PTPRD: variants seen among roughly 807,000 people sequenced by gnomAD.
PTPRD encodes protein tyrosine phosphatase receptor type D.
In PTPRD, 34 loss-of-function variants were observed where a neutral mutation model predicts 214.5. That is an observed-to-expected ratio of 0.16 (90% CI 0.12 to 0.21). The LOEUF is 0.21. Among genes scored for constraint, PTPRD ranks in the 10% least tolerant of loss-of-function variants. PTPRD has a pLI of 1.00. For missense variants in PTPRD, 2,545 were observed against 2,398.7 expected (o/e 1.06, Z -1.27); for synonymous variants, 1,128 against 845.7 (o/e 1.33, Z -5.79).
At chr9:8,842,358 A>C (rs1194174479) in intron 11 of PTPRD, among the ~76,000 whole-genome samples, 1 of 152,260 alleles carries the variant, frequency 6.6e-6, no homozygotes, top group East Asian at 1.9e-4. Context: ...GTTTCTAAAT[A>C]TCTTATAATG....
In PTPRD at chr9:9,917,193, A is replaced by C. The variant is rs75255711; in HGVS notation, c.-368+21314T>G. The stretch of plus-strand genomic sequence containing the variant: ...CCAAAATTAGTAGCAAGGAAGAATA[A>C]AGATCAAGCAGAAGTAAACAAAATT... On this transcript the variant is annotated intron_variant, in intron 5 of 45. Transcript: ENST00000381196. 3.5e-3 allele frequency among the ~76,000 whole-genome samples: 526 copies of C among 151,104 alleles called. 3 individuals carry two copies. Among genetic ancestry groups the C allele is most frequent in the African/African-American group, 0.012 (509 of 41,310 alleles).
chr9:8,332,061 G>C (rs890621606), intron 43 of PTPRD, among the ~76,000 whole-genome samples: 1 of 152,090 alleles, frequency 6.6e-6, no homozygotes, highest in Non-Finnish European at 1.5e-5. Context: ...CAAAGTGGGG[G>C]TTCGTAACCA....
chr9:8,777,731 A>T (rs2095541045), intron 11 of PTPRD, among the ~76,000 whole-genome samples: 1 of 152,206 alleles, frequency 6.6e-6, no homozygotes, highest in Admixed American at 6.5e-5. Flanking sequence ...AATTGAATTG[A>T]AAGCCTTATT....
intron 9 of PTPRD, among the ~76,000 whole-genome samples, chr9:9,393,702 GT>G (rs1322081936): frequency 2.0e-5 from 3 of 152,102 alleles, no homozygotes; most frequent in Non-Finnish European, 4.4e-5. Flanking sequence ...ATGTGACTTG[GT>G]GAGTAGTTTA....
At chr9:8,661,209 A>G (rs938268147) in intron 12 of PTPRD, among the ~76,000 whole-genome samples, 54 of 152,226 alleles carry the variant, frequency 3.5e-4, no homozygotes, top group African/African-American at 1.2e-3. Flanking sequence ...GAGGACACTA[A>G]AAAGAATCAA....
intron 2 of PTPRD, among the ~76,000 whole-genome samples, chr9:10,394,599 T>A (rs1048593430): frequency 1.3e-5 from 2 of 151,826 alleles, no homozygotes; most frequent in African/African-American, 4.8e-5. Context: ...ACGTAGTCTA[T>A]CCAAACACTC....
intron 7 of PTPRD, among the ~76,000 whole-genome samples, chr9:9,719,390 G>C (rs746700958): frequency 6.6e-6 from 1 of 152,156 alleles, no homozygotes; most frequent in Non-Finnish European, 1.5e-5. Context: ...AGCTTGCTAA[G>C]TCATGGGCAG....
chr9:10,165,610 A>G (rs1251046413), intron 3 of PTPRD, among the ~76,000 whole-genome samples: 1 of 151,802 alleles, frequency 6.6e-6, no homozygotes, highest in Non-Finnish European at 1.5e-5. Context: ...TAAAAGACTC[A>G]ATGCTTTCAA....
intron 9 of PTPRD, among the ~76,000 whole-genome samples, chr9:9,314,947 C>T (rs1222113230): frequency 6.6e-6 from 1 of 151,932 alleles, no homozygotes; most frequent in Non-Finnish European, 1.5e-5. Flanking sequence ...CTTTGTCAAT[C>T]TCAGCATCCT....
At chr9:9,255,723 T>C (rs1220540938) in intron 9 of PTPRD, among the ~76,000 whole-genome samples, 3 of 152,060 alleles carry the variant, frequency 2.0e-5, no homozygotes, top group Non-Finnish European at 4.4e-5. Context: ...AAGGGAATCA[T>C]GATGATTGAT....
chr9:9,837,966 T>G (rs1339099153), intron 5 of PTPRD, among the ~76,000 whole-genome samples: 1 of 152,120 alleles, frequency 6.6e-6, no homozygotes, highest in Non-Finnish European at 1.5e-5. Flanking sequence ...CCCCTTCCTG[T>G]GTCCATGTGT....
intron 2 of PTPRD, among the ~76,000 whole-genome samples, chr9:10,414,182 G>T (rs1565883118): frequency 6.6e-6 from 1 of 151,718 alleles, no homozygotes; most frequent in African/African-American, 2.4e-5. Context: ...TACAGAATGG[G>T]AAAAAATATT....
intron 11 of PTPRD, among the ~76,000 whole-genome samples, chr9:8,878,725 C>T (rs557102210): frequency 1.3e-5 from 2 of 152,194 alleles, no homozygotes; most frequent in South Asian, 2.1e-4. Context: ...TTAGAAGAGA[C>T]GAGGTCTTGC....
chr9:9,037,231 A>G (rs2099624868), intron 10 of PTPRD, among the ~76,000 whole-genome samples: 1 of 152,032 alleles, frequency 6.6e-6, no homozygotes, highest in Non-Finnish European at 1.5e-5. Context: ...TTTAGTCCAA[A>G]TCCTCCATTT....
intron 5 of PTPRD, among the ~76,000 whole-genome samples, chr9:9,906,589 T>C (rs962478444): frequency 6.6e-6 from 1 of 152,006 alleles, no homozygotes. Context: ...CACATTTATT[T>C]AAGTCATACT....
In PTPRD at chr9:8,538,045, C is replaced by T. The variant is rs748193654; in HGVS notation, c.353-9266G>A. Among the ~76,000 whole-genome samples, 7 of 151,894 alleles carry T rather than the reference C, an allele frequency of 4.6e-5. No individual in the cohort carries two copies. In the East Asian group the frequency reaches 5.8e-4, roughly 13 times the overall value. ...CCTAGTAACACTATTAATACCTGAA[C>T]GTTTAACTAAATACTTAGGCATCAG... is the stretch of plus-strand genomic sequence containing the variant. On this transcript the variant is annotated intron_variant, in intron 14 of 45. Coordinates refer to ENST00000381196, the MANE Select transcript of PTPRD (RefSeq NM_002839.4).
chr9:10,197,689 G>A (rs900091696), intron 3 of PTPRD, among the ~76,000 whole-genome samples: 1 of 152,244 alleles, frequency 6.6e-6, no homozygotes, highest in African/African-American at 2.4e-5. Context: ...AGTGTTAGAA[G>A]CTTCAGGAAA....
At chr9:10,604,850 A>G (rs951818892) in intron 2 of PTPRD, among the ~76,000 whole-genome samples, 1 of 151,928 alleles carries the variant, frequency 6.6e-6, no homozygotes, top group Non-Finnish European at 1.5e-5. Context: ...TGTGATGCAC[A>G]TAATTTAGCT....
At chr9:10,487,966 GTC>G (rs56372955) in intron 2 of PTPRD, among the ~76,000 whole-genome samples, 4,980 of 110,248 alleles carry the variant, frequency 0.045, 249 homozygotes, top group African/African-American at 0.13. Context: ...AATGAACACA[GTC>G]TCTCTCTCTC....
Sources: allele counts gnomAD v4.1 joint callset (sites outside exome capture counted in the v4.1 genomes callset), GRCh38; gene constraint gnomAD v4.1.1; transcripts MANE v1.5; gene names NCBI Gene and HGNC (gene_info 2026-07-23, HGNC 2026-07-21).